MIER3: variants seen among roughly 807,000 people sequenced by gnomAD.
MIER3 encodes the protein mesoderm induction early response protein 3.
A neutral mutation model predicts 63.2 loss-of-function variants in MIER3; 9 were observed. The observed-to-expected ratio is 0.14, with a 90% CI of 0.09 to 0.25. The LOEUF is 0.25. MIER3 is among the 10% of genes least tolerant of loss of function. MIER3 has a pLI of 1.00. For synonymous variants in MIER3, 205 were observed against 224.9 expected (o/e 0.91, Z 0.79); for missense variants, 512 against 666.2 (o/e 0.77, Z 2.55).
intron 10 of MIER3, chr5:56,927,738 T>C (rs1750063341): frequency 6.6e-6 from 1 of 152,176 alleles, no homozygotes; most frequent in African/African-American, 2.4e-5. Flanking sequence ...GACCATGGTT[T>C]ACATTAGGGT....
intron 11 of MIER3, 28 bp from the exon 12 acceptor site, chr5:56,923,861 G>T (rs371103463): frequency 1.2e-6 from 2 of 1,614,008 alleles, no homozygotes; most frequent in Non-Finnish European, 1.7e-6. Flanking sequence ...GTAATTTTAT[G>T]ACTATATATT....
rs970690407 is a variant in MIER3 at position 56,922,834 on chromosome 5, AAAG to A, written c.*291_*293del. The A allele has an allele frequency of 1.2e-5, 4 of 339,500 alleles. No homozygotes were observed. The highest frequency in any genetic ancestry group is 8.3e-5 in the African/African-American group (4 of 48,196). 21.0% of individuals were successfully genotyped at this position (339,500 alleles called of 1,614,324 possible). A position where few individuals can be genotyped will look rare whatever the true frequency, so the allele number is the denominator to read the frequency against. On this transcript the variant is annotated 3_prime_UTR_variant, in exon 13 of 13. Coordinates refer to ENST00000381199, the MANE Select transcript of MIER3 (RefSeq NM_001297599.2). Reference sequence around the variant, plus strand: ...CAGTGGGGAACACAAAAGAATAGAAAAAGAAGGGAGTGGGGAAGAGGTATTGGG... The same window carrying A: ...CAGTGGGGAACACAAAAGAATAGAAAAAGGGAGTGGGGAAGAGGTATTGGG...
chr5:56,949,058 C>A (rs759857353), intron 2 of MIER3, among the ~76,000 whole-genome samples: 6 of 152,122 alleles, frequency 3.9e-5, no homozygotes, highest in Non-Finnish European at 5.9e-5. Context: ...CTCAAAAGTC[C>A]CTTCCAACTC....
Position 56,950,610 on chromosome 5 carries a change from TA to T in MIER3, c.34+17del. ...TACCCACTGGGAACCACCGAAGACG[TA>T]AGAAAATAGGACAAACCTGGGCTCG... On this transcript the variant is annotated intron_variant, in intron 2 of 12. Transcript: ENST00000381199. The T allele has an allele frequency of 6.2e-7, 1 of 1,612,856 alleles. No individual in the cohort carries two copies. Among genetic ancestry groups the T allele is most frequent in the Non-Finnish European group, 8.5e-7 (1 of 1,179,538 alleles).
At position 56,938,958 on chromosome 5, in the gene MIER3, T is replaced by C; in HGVS notation, c.240A>G (p.Pro80=). Residue 80 remains proline (P), a synonymous_variant, in exon 4 of 13, where the codon CCA becomes CCG. Transcript: ENST00000381199. The part of the protein sequence containing the change: ...LAFYGYEPTI[P]AVANSSANSS... The stretch of plus-strand genomic sequence containing the variant: ...TATTTGCACTGGAATTTGCAACTGC[T>C]GGAATTGTAGGTTCATAGCCATAGA... 6.2e-7 allele frequency: 1 copy of C among 1,614,224 alleles called. No homozygotes were observed. Among genetic ancestry groups the C allele is most frequent in the Non-Finnish European group, 8.5e-7 (1 of 1,180,026 alleles).
At chr5:56,940,981 G>C in intron 3 of MIER3, 1 of 985,428 alleles carries the variant, frequency 1.0e-6, no homozygotes, top group Non-Finnish European at 1.2e-6. Flanking sequence ...CCCTGAAATG[G>C]GGAGTGGCAA....
At position 56,923,523 on chromosome 5, in the gene MIER3, A is replaced by T. The variant is rs1749786966; in HGVS notation, c.1258T>A (p.Phe420Ile). The change falls in exon 13 of 13, where the codon TTT becomes ATT. Residue 420 changes from phenylalanine to isoleucine, a missense_variant. Phe to Ile is a conservative substitution (Grantham distance 21). Coordinates refer to ENST00000381199, the MANE Select transcript of MIER3 (RefSeq NM_001297599.2). ...PTDVNCLDDS[F>I]PPLGNTPRGQ... ...CGGGGTGTGTTGCCCAGTGGAGGAA[A>T]GCTATCATCCAAACAATTCACATCT... 2 of 1,614,072 alleles carry T rather than the reference A, an allele frequency of 1.2e-6. No individual in the cohort carries two copies. The highest frequency in any genetic ancestry group is 1.7e-6 in the Non-Finnish European group (2 of 1,180,028).
chr5:56,924,157 A>G (rs1749836871), intron 10 of MIER3, 115 bp from the exon 11 acceptor site: 1 of 973,032 alleles, frequency 1.0e-6, no homozygotes, highest in Admixed American at 2.8e-5. Context: ...CCCATTATAT[A>G]GTTCTGAACA....
rs1351020241 is a variant in MIER3 at position 56,935,756 on chromosome 5, A to T, written c.437-5T>A. The T allele has an allele frequency of 1.2e-5, 19 of 1,609,686 alleles. No individual in the cohort carries two copies. The highest frequency in any genetic ancestry group is 1.6e-5 in the Non-Finnish European group (19 of 1,178,548). ...CACCATCACATGCAGTATTTGCTTA[A>T]AAGACAAAAATTAAAAAGGTTTTTA... On this transcript the variant is annotated splice_region_variant and splice_polypyrimidine_tract_variant and intron_variant, in intron 5 of 12. Coordinates refer to ENST00000381199, the MANE Select transcript of MIER3 (RefSeq NM_001297599.2).
intron 11 of MIER3, 39 bp downstream of exon 11, chr5:56,923,875 GT>G: frequency 6.2e-7 from 1 of 1,613,992 alleles, no homozygotes; most frequent in Non-Finnish European, 8.5e-7. Flanking sequence ...ATATATTACA[GT>G]TAAAAGTAAG....
upstream of MIER3, chr5:56,952,201 G>C: frequency 1.9e-6 from 2 of 1,040,150 alleles, no homozygotes; most frequent in Non-Finnish European, 2.4e-6. Flanking sequence ...CGGTCCGCCC[G>C]GCACCCGCCC....
chr5:56,943,167 T>C (rs945281802), intron 3 of MIER3, among the ~76,000 whole-genome samples: 1 of 151,846 alleles, frequency 6.6e-6, no homozygotes, highest in Non-Finnish European at 1.5e-5. Context: ...TTGGTGGCCT[T>C]ATAGCATGGT....
chr5:56,925,081 T>C (rs1370811225), intron 10 of MIER3, among the ~76,000 whole-genome samples: 1 of 152,194 alleles, frequency 6.6e-6, no homozygotes, highest in Non-Finnish European at 1.5e-5. Flanking sequence ...AATGAATGGA[T>C]AGAGTAAATT....
In MIER3 at chr5:56,923,570, A is replaced by G. The variant is rs1232396174; in HGVS notation, c.1211T>C (p.Val404Ala). The change falls in exon 13 of 13, where the codon GTA (valine) becomes GCA (alanine). Residue 404 changes from valine (V) to alanine (A), a missense_variant. This residue lies in a region of MIER3 where 218 missense variants were observed against 251.2 expected (regional missense o/e 0.87). Transcript: ENST00000381199. ...ASDLTALTNS[V>A]ATVCDPTDVN... ...ATCTGTGGGGTCGCAGACGGTTGCT[A>G]CACTGTTGGTCAAAGCTAAAAAGGA... is the stretch of plus-strand genomic sequence containing the variant. The G allele has an allele frequency of 1.2e-6, 2 of 1,613,360 alleles. No individual in the cohort carries two copies. The highest frequency in any genetic ancestry group is 1.7e-6 in the Non-Finnish European group (2 of 1,179,390).
At chr5:56,948,565 A>G (rs530044618) in intron 2 of MIER3, among the ~76,000 whole-genome samples, 1 of 152,252 alleles carries the variant, frequency 6.6e-6, no homozygotes, top group South Asian at 2.1e-4. Flanking sequence ...GCTACGTGGG[A>G]GGCTGAGGCA....
At chr5:56,936,158 A>G (rs1176620007) in intron 5 of MIER3, among the ~76,000 whole-genome samples, 1 of 152,146 alleles carries the variant, frequency 6.6e-6, no homozygotes, top group African/African-American at 2.4e-5. Context: ...CAAAGGTGGC[A>G]GTAAGCCAAG....
At chr5:56,930,393 G>A (rs193016489) in intron 9 of MIER3, among the ~76,000 whole-genome samples, 1 of 149,842 alleles carries the variant, frequency 6.7e-6, no homozygotes, top group Non-Finnish European at 1.5e-5. Flanking sequence ...TAATTACTTT[G>A]GACATATTGT....
At chr5:56,950,722 G>A (rs1169107305) in intron 1 of MIER3, 70 bp from the exon 2 acceptor site, 1 of 1,569,456 alleles carries the variant, frequency 6.4e-7, no homozygotes. Context: ...CGGCAACAGG[G>A]CGCAGAGGAG....
Position 56,923,272 on chromosome 5 carries a change from C to T in MIER3, c.1509G>A (p.Val503=). ...TGTGATGTGTGTGATTTTCAAAGTC[C>T]ACACCCAGGTTATTTACAGAAACTT... ...MNEVSVNNLG[V]DFENHTHHIT... is the part of the protein sequence containing the mutation. Residue 503 remains valine, a synonymous_variant, in exon 13 of 13, where the codon GTG becomes GTA. Coordinates refer to ENST00000381199, the MANE Select transcript of MIER3 (RefSeq NM_001297599.2). 6.2e-7 allele frequency: 1 copy of T among 1,614,104 alleles called. No individual in the cohort carries two copies. The highest frequency in any genetic ancestry group is 8.5e-7 in the Non-Finnish European group (1 of 1,180,028).
Sources: gnomAD v4.1 joint callset for allele counts (sites outside exome capture counted in the v4.1 genomes callset) on GRCh38, gnomAD v4.1.1 for gene constraint, gnomAD v4.1.1 regional missense constraint, MANE v1.5 for transcripts, NCBI Gene and HGNC (gene_info 2026-07-23, HGNC 2026-07-21) for gene names.